ATP11B: variants seen among roughly 807,000 people sequenced by gnomAD.
The protein encoded by ATP11B is ATPase phospholipid transporting 11B (putative), also known as phospholipid-transporting ATPase IF.
In ATP11B, 81 loss-of-function variants were observed where a neutral mutation model predicts 157.8. That is an observed-to-expected ratio of 0.51 (90% CI 0.43 to 0.62). The LOEUF (loss-of-function observed/expected upper bound fraction) is 0.62. Ranked by LOEUF, ATP11B falls within the 20% of genes least tolerant of loss-of-function variation. ATP11B has a pLI of 0.00. For synonymous variants in ATP11B, 451 were observed against 469.4 expected (o/e 0.96, Z 0.51); for missense variants, 1,165 against 1,402.2 (o/e 0.83, Z 2.70).
At chr3:182,828,007 A>T in intron 2 of ATP11B, 113 bp from the exon 3 acceptor site, 1 of 409,628 alleles carries the variant, frequency 2.4e-6, no homozygotes, top group Non-Finnish European at 4.4e-6. Flanking sequence ...ATATAGACTT[A>T]CAGAATTTTG....
At position 182,848,482 on chromosome 3, in the gene ATP11B, C is replaced by T. The variant is rs778203393; in HGVS notation, c.776C>T (p.Ala259Val). Residue 259 changes from alanine (A) to valine (V), a missense_variant, in exon 10 of 30, where the codon GCG becomes GTG. This residue lies in a region of ATP11B where 737 missense variants were observed against 930.5 expected (regional missense o/e 0.79). Transcript: ENST00000323116. The stretch of plus-strand genomic sequence containing the variant: ...ATTTTGTTTTATTTTACAGGTGTTG[C>T]GGTATACACTGGAATGGAAACTAAG... ...LKNTKEIFGV[A>V]VYTGMETKMA... The T allele has an allele frequency of 1.7e-5, 26 of 1,519,320 alleles. No individual in the cohort carries two copies. The highest frequency in any genetic ancestry group is 1.7e-4 in the Middle Eastern group (1 of 5,772). The allele number at this position is 1,519,320 out of a possible 1,614,324, so 94.1% of individuals were successfully genotyped here. A position where few individuals can be genotyped will look rare whatever the true frequency, so the allele number is the denominator to read the frequency against.
chr3:182,866,509 T>A, intron 14 of ATP11B, 66 bp downstream of exon 14: 7 of 1,300,052 alleles, frequency 5.4e-6, no homozygotes, highest in Non-Finnish European at 7.1e-6. Context: ...AATATTAGAA[T>A]CATCATTTAA....
At chr3:182,906,788 AAAAG>A (rs1046708807) in intron 28 of ATP11B, among the ~76,000 whole-genome samples, 2 of 151,178 alleles carry the variant, frequency 1.3e-5, no homozygotes, top group African/African-American at 4.9e-5. Flanking sequence ...AAAAAAAAAA[AAAAG>A]AAGAAGAAGA....
At chr3:182,896,919 T>G (rs1454764759) in intron 26 of ATP11B, among the ~76,000 whole-genome samples, 154 bp downstream of exon 26, 2 of 152,182 alleles carry the variant, frequency 1.3e-5, no homozygotes, top group African/African-American at 4.8e-5. Context: ...TAAATTTTTG[T>G]CAAAAAATTA....
At position 182,842,091 on chromosome 3, in the gene ATP11B, A is replaced by G; in HGVS notation, c.673A>G (p.Ile225Val). Residue 225 changes from isoleucine to valine, a missense_variant, in exon 8 of 30, where the codon ATC becomes GTC. Physicochemically the swap from Ile to Val is conservative, Grantham distance 29. Around this residue, in one of 4 missense-constraint regions of ATP11B, gnomAD observed 737 missense variants for 930.5 expected, o/e 0.79. Transcript: ENST00000323116. Reference protein sequence around the residue: ...ADLYRFMGRMIITQQMEEIVR... With the variant: ...ADLYRFMGRMVITQQMEEIVR... ...TTTTGATAGATTCATGGGACGAATG[A>G]TCATAACCCAACAAATGGAAGAAAT... 3 of 1,603,292 alleles carry G rather than the reference A, an allele frequency of 1.9e-6. No individual in the cohort carries two copies. Among genetic ancestry groups the G allele is most frequent in the African/African-American group, 1.3e-5 (1 of 74,724 alleles).
chr3:182,797,651 T>A (rs1715707842), intron 1 of ATP11B, among the ~76,000 whole-genome samples: 1 of 152,058 alleles, frequency 6.6e-6, no homozygotes, highest in Admixed American at 6.6e-5. Context: ...AAGGTTGCAG[T>A]AAGCCAAGAT....
rs748833897 is a variant in ATP11B, at chr3:182,920,816, G to C, written c.*2712G>C. 6.6e-6 allele frequency: 1 copy of C among 152,288 alleles called. No homozygotes were observed. The highest frequency in any genetic ancestry group is 2.4e-5 in the African/African-American group (1 of 41,440). The allele number at this position is 152,288 out of a possible 1,614,324, so 9.4% of individuals were successfully genotyped here. A position where few individuals can be genotyped will look rare whatever the true frequency, so the allele number is the denominator to read the frequency against. ...GACCTGCTGTCGAGTTGAGAAAAGG[G>C]GAGAATTTATGGTCTGAATTTTCTA... is the stretch of plus-strand genomic sequence containing the variant. On this transcript the variant is annotated 3_prime_UTR_variant, in exon 30 of 30. Transcript: ENST00000323116.
At chr3:182,912,433 T>C (rs1477601422) in intron 28 of ATP11B, among the ~76,000 whole-genome samples, 2 of 151,370 alleles carry the variant, frequency 1.3e-5, no homozygotes, top group Non-Finnish European at 2.9e-5. Flanking sequence ...CCAAATTTAA[T>C]TGAACACTGA....
intron 19 of ATP11B, among the ~76,000 whole-genome samples, chr3:182,874,651 G>A (rs1463260105): frequency 1.3e-5 from 2 of 152,122 alleles, no homozygotes; most frequent in South Asian, 2.1e-4. Flanking sequence ...ATTACATACA[G>A]TTCTATCGTA....
At chr3:182,880,583 T>C (rs1043488868) in intron 20 of ATP11B, among the ~76,000 whole-genome samples, 7 of 152,152 alleles carry the variant, frequency 4.6e-5, no homozygotes, top group Non-Finnish European at 1.0e-4. Flanking sequence ...TAAGTAGTCA[T>C]TTTTTACACA....
chr3:182,811,640 A>G (rs1716675213), intron 1 of ATP11B, among the ~76,000 whole-genome samples: 2 of 152,170 alleles, frequency 1.3e-5, no homozygotes, highest in Admixed American at 1.3e-4. Context: ...ATAGCAACCA[A>G]TCGGAAAATA....
intron 29 of ATP11B, chr3:182,916,033 C>G (rs918392819): frequency 8.1e-6 from 8 of 984,920 alleles, no homozygotes; most frequent in Non-Finnish European, 9.6e-6. Flanking sequence ...CAGACCTGTT[C>G]ATTCTTTTCT....
chr3:182,831,388 T>TA (rs1183427295), intron 4 of ATP11B, among the ~76,000 whole-genome samples: 1 of 152,154 alleles, frequency 6.6e-6, no homozygotes, highest in East Asian at 1.9e-4. Flanking sequence ...TTTCCGCTCT[T>TA]ACTCTCCTAT....
At chr3:182,810,863 A>G (rs1364018626) in intron 1 of ATP11B, among the ~76,000 whole-genome samples, 2 of 152,150 alleles carry the variant, frequency 1.3e-5, no homozygotes, top group South Asian at 2.1e-4. Flanking sequence ...TTGATTCTCA[A>G]CGCTGTCAGA....
At chr3:182,828,995 G>A (rs1027447980) in intron 3 of ATP11B, among the ~76,000 whole-genome samples, 2 of 151,970 alleles carry the variant, frequency 1.3e-5, no homozygotes, top group Non-Finnish European at 2.9e-5. Context: ...AATGCTTTAG[G>A]AAACATTTAC....
intron 3 of ATP11B, 39 bp from the exon 4 acceptor site, chr3:182,829,633 T>G: frequency 2.2e-6 from 3 of 1,362,458 alleles, no homozygotes; most frequent in Non-Finnish European, 3.1e-6. Context: ...GTGCACAATA[T>G]AAAAATATAA....
chr3:182,799,851 A>C (rs1715873360), intron 1 of ATP11B, among the ~76,000 whole-genome samples: 1 of 152,130 alleles, frequency 6.6e-6, no homozygotes, highest in Admixed American at 6.5e-5. Flanking sequence ...TGGTGGCTCA[A>C]ACCTGTAACC....
intron 28 of ATP11B, among the ~76,000 whole-genome samples, chr3:182,912,636 A>G (rs1283946234): frequency 1.3e-5 from 2 of 152,222 alleles, no homozygotes; most frequent in South Asian, 2.1e-4. Flanking sequence ...GTTGTTTCAC[A>G]CTGTGTGGTG....
intron 28 of ATP11B, 64 bp downstream of exon 28, chr3:182,898,836 G>A (rs1285082260): frequency 9.1e-7 from 1 of 1,094,666 alleles, no homozygotes; most frequent in Non-Finnish European, 1.2e-6. Flanking sequence ...ATGAATAGCT[G>A]TCATTATAAT....
Sources: gnomAD v4.1 joint callset for allele counts (sites outside exome capture counted in the v4.1 genomes callset) on GRCh38, gnomAD v4.1.1 for gene constraint, gnomAD v4.1.1 regional missense constraint, MANE v1.5 for transcripts, NCBI Gene and HGNC (gene_info 2026-07-23, HGNC 2026-07-21) for gene names.